Variants in TAL1 observed in about 807,000 individuals in gnomAD.
TAL1 encodes T-cell acute lymphocytic leukemia protein 1.
Under a neutral mutation model 17.9 loss-of-function variants are expected in TAL1, and 8 were observed. The ratio of observed to expected loss-of-function variants is 0.45; its 90% confidence interval spans 0.26 to 0.81. The LOEUF is 0.81. Ranked by LOEUF, TAL1 falls within the 30% of genes least tolerant of loss-of-function variation. The pLI, the probability that TAL1 is intolerant of heterozygous loss-of-function variation, is 0.17. For missense variants in TAL1, 466 were observed against 486.9 expected (o/e 0.96, Z 0.40); for synonymous variants, 223 against 218.6 (o/e 1.02, Z -0.18).
rs769376285 is a variant in TAL1, at chr1:47,225,805, G to T, written c.84C>A (p.Pro28=). The change falls in exon 2 of 4, where the codon CCC becomes CCA. Residue 28 remains proline, a synonymous_variant. Coordinates refer to ENST00000294339, the Ensembl canonical transcript of TAL1. ...CGCCGTTCAGCAGGACCAGGTGCGGGGGGGCCATGCTGGCCTCGGCCGCGT... is the reference window on the plus strand; with the variant it reads ...CGCCGTTCAGCAGGACCAGGTGCGGTGGGGCCATGCTGGCCTCGGCCGCGT... The T allele has an allele frequency of 1.9e-6, 3 of 1,573,230 alleles. No homozygotes were observed. In the East Asian group the frequency reaches 7.3e-5, roughly 38 times the overall value.
intron 2 of TAL1, 89 bp from the exon 4 acceptor site, chr1:47,224,187 G>A: frequency 7.6e-7 from 1 of 1,323,418 alleles, no homozygotes; most frequent in South Asian, 1.2e-5. Flanking sequence ...CATGTCTTGA[G>A]CCCCCCACCT....
In TAL1 at chr1:47,222,365, C is replaced by G. The variant is rs150489292; in HGVS notation, c.541+1639G>C. On this transcript the variant is annotated intron_variant, in intron 3 of 3. Coordinates refer to ENST00000294339, the Ensembl canonical transcript of TAL1. ...TGACCTTGATCAAGCTGGGTAACCTCTCTCAGCCTCAATTTCCTTATCTGT... is the reference window on the plus strand; with the variant it reads ...TGACCTTGATCAAGCTGGGTAACCTGTCTCAGCCTCAATTTCCTTATCTGT... Among the ~76,000 whole-genome samples the G allele has an allele frequency of 7.2e-5, 11 of 152,282 alleles. 1 individual carries two copies. Among genetic ancestry groups the G allele is most frequent in the African/African-American group, 2.6e-4 (11 of 41,548 alleles).
chr1:47,224,723 G>A (rs953064876), intron 2 of TAL1, among the ~76,000 whole-genome samples: 2 of 152,078 alleles, frequency 1.3e-5, no homozygotes, highest in Admixed American at 6.6e-5. Context: ...TCGGGTGCCC[G>A]CCAGGTTCAT....
At chr1:47,217,985 G>A in exon 4 of TAL1, 1 of 383,428 alleles carries the variant, frequency 2.6e-6, no homozygotes, top group Non-Finnish European at 4.6e-6. Flanking sequence ...TCGAGAATTG[G>A]ACCTTACTTA....
rs900117674 is a variant in TAL1 at position 47,225,460 on chromosome 1, C to A, written c.429G>T (p.Pro143=). ...CCCCTGACCTGCCGAGAGAGGCCAG[C>A]GGCTGGCTGAGGCTGTAGAGCAGCG... Residue 143 remains proline (P), a synonymous_variant, in exon 2 of 4, where the codon CCG becomes CCT. Transcript: ENST00000294339. The A allele has an allele frequency of 1.5e-5, 18 of 1,231,926 alleles. No homozygotes were observed. In the Admixed American group the frequency reaches 1.7e-4, roughly 12 times the overall value. The allele number at this position is 1,231,926 out of a possible 1,614,324, so 76.3% of individuals were successfully genotyped here.
At chr1:47,216,888 G>A (rs1054843379) in exon 4 of TAL1, 2 of 231,974 alleles carry the variant, frequency 8.6e-6, no homozygotes, top group African/African-American at 4.4e-5. Flanking sequence ...GGAAGGAGAG[G>A]AAGGATAAGG....
In TAL1 at chr1:47,228,924, C is replaced by G. The variant is rs1265831700; in HGVS notation, c.-2+272G>C. On this transcript the variant is annotated intron_variant, in intron 1 of 3. Coordinates refer to ENST00000294339, the Ensembl canonical transcript of TAL1. ...CCCCAAAGTTACCGGCCTTGGGAAA[C>G]GTCCACAGAACCGGGACCAATGGGA... The G allele has an allele frequency of 1.2e-5, 2 of 160,490 alleles. 1 individual carries two copies. 9.9% of individuals were successfully genotyped at this position (160,490 alleles called of 1,614,324 possible). A position where few individuals can be genotyped will look rare whatever the true frequency, so the allele number is the denominator to read the frequency against.
chr1:47,227,261 T>C (rs568848090), intron 1 of TAL1: 6 of 152,370 alleles, frequency 3.9e-5, no homozygotes, highest in Non-Finnish European at 7.3e-5. Flanking sequence ...GGCCAGAGTT[T>C]GTGAGTTGTG....
upstream of TAL1, chr1:47,230,661 G>A (rs1643995529): frequency 6.6e-6 from 1 of 152,280 alleles, no homozygotes; most frequent in African/African-American, 2.4e-5. Flanking sequence ...AAAAAAACCC[G>A]CTGCTTTGTT....
exon 1 of TAL1, chr1:47,229,313 A>C (rs1643966131): frequency 4.9e-6 from 1 of 202,470 alleles, no homozygotes; most frequent in African/African-American, 2.3e-5. Context: ...TTTTTCGCTG[A>C]GAGGCCTGCA....
At chr1:47,226,212 G>A (rs1643908276) in intron 1 of TAL1, 3 of 356,512 alleles carry the variant, frequency 8.4e-6, no homozygotes, top group Non-Finnish European at 1.5e-5. Context: ...AAACACAGAA[G>A]GGGAAATCAG....
exon 2 of TAL1, chr1:47,225,636 G>C (rs993464552): frequency 1.4e-6 from 2 of 1,383,432 alleles, no homozygotes; most frequent in African/African-American, 3.1e-5. Flanking sequence ...ACCCGATGGC[G>C]CGCTTCGGCC....
chr1:47,223,953 G>T, intron 3 of TAL1, 51 bp downstream of exon 4: 1 of 1,544,824 alleles, frequency 6.5e-7, no homozygotes, highest in Non-Finnish European at 8.9e-7. Flanking sequence ...CCTCCAGAGG[G>T]CTCTAACCAG....
rs114430116 is a variant in TAL1, at chr1:47,220,602, A to G, written c.542-428T>C. 2.2e-3 allele frequency among the ~76,000 whole-genome samples: 340 copies of G among 152,312 alleles called. 3 individuals are homozygous for G. Among genetic ancestry groups the G allele is most frequent in the African/African-American group, 7.7e-3 (319 of 41,572 alleles). Reference sequence around the variant, plus strand: ...ATGACTCTGGGCAAGTGACATAAAAACTTGTGAAGTGCCTTGGCTTCATCA... The same window carrying G: ...ATGACTCTGGGCAAGTGACATAAAAGCTTGTGAAGTGCCTTGGCTTCATCA... On this transcript the variant is annotated intron_variant, in intron 3 of 3. Transcript: ENST00000294339.
At chr1:47,225,636 G>T in exon 2 of TAL1, 1 of 1,383,542 alleles carries the variant, frequency 7.2e-7, no homozygotes, top group Non-Finnish European at 9.3e-7. Context: ...ACCCGATGGC[G>T]CGCTTCGGCC....
At chr1:47,224,788 T>G (rs1490183421) in intron 2 of TAL1, among the ~76,000 whole-genome samples, 2 of 152,192 alleles carry the variant, frequency 1.3e-5, no homozygotes, top group Non-Finnish European at 2.9e-5. Flanking sequence ...TCCAACCCTA[T>G]GGCTTCTCTC....
intron 1 of TAL1, chr1:47,228,566 G>T: frequency 5.6e-6 from 1 of 177,396 alleles, no homozygotes. Context: ...TTCTTCCTGG[G>T]GACAGGTCTC....
chr1:47,228,019 C>T (rs1181981710), intron 1 of TAL1: 3 of 152,270 alleles, frequency 2.0e-5, no homozygotes, highest in Non-Finnish European at 4.4e-5. Context: ...CATTTTTACC[C>T]TCCAATTAAT....
exon 4 of TAL1, chr1:47,217,267 G>A (rs895012892): frequency 1.4e-5 from 5 of 369,468 alleles, no homozygotes; most frequent in African/African-American, 6.3e-5. Context: ...TCACACCTGT[G>A]GTCCTCCCTA....
Sources: allele counts gnomAD v4.1 joint callset (sites outside exome capture counted in the v4.1 genomes callset), GRCh38; gene constraint gnomAD v4.1.1; transcripts MANE v1.5; gene names NCBI Gene and HGNC (gene_info 2026-07-23, HGNC 2026-07-21).